The following SGCZ variants were observed in gnomAD, a reference collection of about 807,000 sequenced individuals.
SGCZ encodes the protein zeta-sarcoglycan.
In SGCZ, 40 loss-of-function variants were observed where a neutral mutation model predicts 41.3. The ratio of observed to expected loss-of-function variants is 0.97; its 90% CI spans 0.75 to 1.26. The LOEUF (loss-of-function observed/expected upper bound fraction) is 1.26, where lower values mean the gene tolerates loss of function less well. Ranked by LOEUF, SGCZ falls within the 50% of genes most tolerant of loss-of-function variation. The pLI is 0.00. For synonymous variants in SGCZ, 206 were observed against 137.5 expected, an observed-to-expected ratio of 1.50 and a Z score of -3.49; for missense variants, 552 against 369.8, an observed-to-expected ratio of 1.49 and a Z score of -4.04.
chr8:14,645,185 C>A (rs1474365394), intron 1 of SGCZ, among the ~76,000 whole-genome samples: 4 of 151,646 alleles, frequency 2.6e-5, no homozygotes, highest in African/African-American at 9.6e-5. Flanking sequence ...GAATGGATCT[C>A]TGAATGATTT....
rs922422528 is a variant in SGCZ, at chr8:14,183,278, A to AT, written c.425-18577dup. Among the ~76,000 whole-genome samples the AT allele has an allele frequency of 1.3e-3, 163 of 123,650 alleles. No homozygotes were observed. The Middle Eastern group carries it at 0.021, about 16-fold the overall frequency. The allele number at this position is 123,650 out of a possible 152,430, so 81.1% of individuals were successfully genotyped here. On this transcript the variant is annotated intron_variant, in intron 4 of 7. Coordinates refer to ENST00000382080, the MANE Select transcript of SGCZ (RefSeq NM_139167.4). ...ATAGAAACTACAGAAATAGTTAAAAATTTTTACATGTACACACACACACAC... is the reference window on the plus strand; with the variant it reads ...ATAGAAACTACAGAAATAGTTAAAAATTTTTTACATGTACACACACACACAC...
chr8:14,261,785 T>A (rs959448823), intron 3 of SGCZ, among the ~76,000 whole-genome samples: 16 of 152,118 alleles, frequency 1.1e-4, no homozygotes, highest in African/African-American at 2.9e-4. Context: ...ATTATTCCAT[T>A]TCATTAGGGT....
At chr8:15,199,911 C>T (rs1800841456) in intron 1 of SGCZ, among the ~76,000 whole-genome samples, 1 of 152,138 alleles carries the variant, frequency 6.6e-6, no homozygotes, top group South Asian at 2.1e-4. Context: ...CCACTCACAA[C>T]ATCATGAAAA....
At chr8:14,917,637 A>G (rs948681474) in intron 1 of SGCZ, among the ~76,000 whole-genome samples, 2 of 152,152 alleles carry the variant, frequency 1.3e-5, no homozygotes, top group African/African-American at 2.4e-5. Context: ...ACTCTGATCT[A>G]TGTTAATAGA....
chr8:14,403,745 G>A (rs1025321792), intron 2 of SGCZ, among the ~76,000 whole-genome samples: 4 of 151,910 alleles, frequency 2.6e-5, no homozygotes, highest in African/African-American at 9.7e-5. Flanking sequence ...TCTTCCATAG[G>A]TCTGTGCCTT....
At chr8:14,497,085 A>C (rs1035113025) in intron 2 of SGCZ, among the ~76,000 whole-genome samples, 6 of 152,186 alleles carry the variant, frequency 3.9e-5, no homozygotes, top group Non-Finnish European at 5.9e-5. Flanking sequence ...TAGCCTCCTT[A>C]TGAAGACATC....
chr8:15,142,402 G>C (rs1262260099), intron 1 of SGCZ, among the ~76,000 whole-genome samples: 1 of 152,020 alleles, frequency 6.6e-6, no homozygotes, highest in Non-Finnish European at 1.5e-5. Flanking sequence ...GATGTATTTT[G>C]AGGTGGAGCC....
intron 1 of SGCZ, among the ~76,000 whole-genome samples, chr8:14,717,524 A>T (rs1173177335): frequency 6.6e-6 from 1 of 152,136 alleles, no homozygotes; most frequent in Non-Finnish European, 1.5e-5. Flanking sequence ...CAAGGAGAGG[A>T]GAGTTCTGTC....
chr8:14,106,506 C>T (rs1314955851), intron 6 of SGCZ, among the ~76,000 whole-genome samples: 2 of 152,096 alleles, frequency 1.3e-5, no homozygotes, highest in African/African-American at 4.8e-5. Context: ...ATCTGTGTTA[C>T]TCAAGTAGTG....
At chr8:14,447,354 G>T (rs891039008) in intron 2 of SGCZ, among the ~76,000 whole-genome samples, 1 of 152,038 alleles carries the variant, frequency 6.6e-6, no homozygotes, top group Non-Finnish European at 1.5e-5. Flanking sequence ...CAAATCTTGA[G>T]CCATTTTAAT....
At chr8:14,315,416 A>G (rs891193215) in intron 3 of SGCZ, among the ~76,000 whole-genome samples, 7 of 152,276 alleles carry the variant, frequency 4.6e-5, no homozygotes, top group Admixed American at 1.3e-4. Flanking sequence ...CTATAGTCAA[A>G]TAGCAAACTA....
intron 1 of SGCZ, among the ~76,000 whole-genome samples, chr8:15,034,067 C>T (rs996350627): frequency 1.3e-5 from 2 of 149,366 alleles, no homozygotes; most frequent in African/African-American, 2.5e-5. Context: ...AACAAAAAGA[C>T]ACAATAGCAC....
intron 1 of SGCZ, among the ~76,000 whole-genome samples, chr8:14,673,528 G>C (rs931093887): frequency 6.6e-6 from 1 of 151,942 alleles, no homozygotes; most frequent in African/African-American, 2.4e-5. Flanking sequence ...CCTTCGCCAT[G>C]ATTGTAAGTT....
chr8:14,336,846 T>G (rs955750642), intron 2 of SGCZ, among the ~76,000 whole-genome samples: 3 of 152,122 alleles, frequency 2.0e-5, no homozygotes, highest in South Asian at 2.1e-4. Context: ...AAAGAATTAC[T>G]ATCATCTCTA....
rs398112237 is a variant in SGCZ at position 14,301,372 on chromosome 8, C to CAA, written c.336+22729_336+22730dup. 2.8e-3 allele frequency among the ~76,000 whole-genome samples: 415 copies of CAA among 149,542 alleles called. 6 individuals carry two copies. The highest frequency in any genetic ancestry group is 0.021 in the Admixed American group (310 of 14,950). On this transcript the variant is annotated intron_variant, in intron 3 of 7. Coordinates refer to ENST00000382080, the MANE Select transcript of SGCZ (RefSeq NM_139167.4). ...TCAACCTCAGTAGTGATTCAAATCA[C>CAA]AAAAAAAAACAAACAATTGTTGAAA...
intron 1 of SGCZ, among the ~76,000 whole-genome samples, chr8:14,688,839 G>A (rs898209608): frequency 2.0e-5 from 3 of 152,068 alleles, no homozygotes; most frequent in African/African-American, 4.8e-5. Context: ...GTTTGCAGAC[G>A]ACATGATTGT....
chr8:15,213,042 C>T (rs1303480011), intron 1 of SGCZ, among the ~76,000 whole-genome samples: 1 of 151,858 alleles, frequency 6.6e-6, no homozygotes, highest in Non-Finnish European at 1.5e-5. Context: ...ACTAAATGCA[C>T]AAAAGCATTT....
intron 7 of SGCZ, among the ~76,000 whole-genome samples, chr8:14,096,808 C>T (rs776162981): frequency 9.2e-5 from 14 of 151,984 alleles, no homozygotes; most frequent in Non-Finnish European, 1.6e-4. Context: ...TTTAGGTATT[C>T]GACTTCTTCC....
At position 14,222,792 on chromosome 8, in the gene SGCZ, A is replaced by ATTTTTTTTTTTTTTT. The variant is rs775444301; in HGVS notation, c.424+14785_424+14799dup. 1.2e-4 allele frequency among the ~76,000 whole-genome samples: 6 copies of ATTTTTTTTTTTTTTT among 48,896 alleles called. 1 individual carries two copies. Among genetic ancestry groups the ATTTTTTTTTTTTTTT allele is most frequent in the African/African-American group, 5.5e-4 (6 of 11,006 alleles). 32.1% of individuals were successfully genotyped at this position (48,896 alleles called of 152,430 possible). On this transcript the variant is annotated intron_variant, in intron 4 of 7. Coordinates refer to ENST00000382080, the MANE Select transcript of SGCZ (RefSeq NM_139167.4). ...ATTCCACCCTCTCTCAGTCACAGTG[A>ATTTTTTTTTTTTTTT]TTTTTTTTTTTTTTTTTTTTTTTTT...
Sources: gnomAD v4.1 joint callset for allele counts (sites outside exome capture counted in the v4.1 genomes callset) on GRCh38, gnomAD v4.1.1 for gene constraint, MANE v1.5 for transcripts, NCBI Gene and HGNC (gene_info 2026-07-23, HGNC 2026-07-21) for gene names.